ATP1B3: variants seen among roughly 807,000 people sequenced by gnomAD.
The protein encoded by ATP1B3 is ATPase Na+/K+ transporting subunit beta 3, also known as sodium/potassium-transporting ATPase subunit beta-3.
In ATP1B3, 10 loss-of-function variants were observed where a neutral mutation model predicts 30.2. That is an observed-to-expected ratio of 0.33 (90% CI 0.20 to 0.56). The LOEUF (loss-of-function observed/expected upper bound fraction) is 0.56. ATP1B3 is among the 20% of genes least tolerant of loss of function. The probability of loss-of-function intolerance (pLI) is 0.90; values close to 1 mark genes in which losing one functional copy is unlikely to be tolerated. For synonymous variants in ATP1B3, 113 were observed against 117.0 expected (o/e 0.97, Z 0.22); for missense variants, 238 against 336.7 (o/e 0.71, Z 2.29).
intron 3 of ATP1B3, among the ~76,000 whole-genome samples, chr3:141,912,399 C>T (rs1216414211): frequency 4.6e-5 from 7 of 152,138 alleles, no homozygotes; most frequent in Non-Finnish European, 1.0e-4. Context: ...GCTGGGATTA[C>T]AGGCACCTGC....
chr3:141,909,761 A>G (rs763177630), intron 3 of ATP1B3, among the ~76,000 whole-genome samples: 2 of 152,186 alleles, frequency 1.3e-5, no homozygotes, highest in East Asian at 1.9e-4. Flanking sequence ...TACAGTGACC[A>G]TGATGAGGGA....
intron 1 of ATP1B3, chr3:141,902,034 T>G: frequency 1.2e-6 from 1 of 857,572 alleles, no homozygotes; most frequent in Non-Finnish European, 1.7e-6. Context: ...ATTTCTCTTC[T>G]GTATCTTATT....
At chr3:141,876,959 C>A in intron 1 of ATP1B3, 49 bp downstream of exon 1, 1 of 1,436,626 alleles carries the variant, frequency 7.0e-7, no homozygotes, top group South Asian at 1.2e-5. Flanking sequence ...GTCCCGGGGG[C>A]GCCGGGCGCG....
intron 3 of ATP1B3, among the ~76,000 whole-genome samples, chr3:141,909,091 C>G (rs1934311891): frequency 6.6e-6 from 1 of 152,180 alleles, no homozygotes; most frequent in Non-Finnish European, 1.5e-5. Flanking sequence ...TCAACTCTCT[C>G]CTATCTTAAA....
chr3:141,882,608 A>C (rs1933749541), intron 1 of ATP1B3, among the ~76,000 whole-genome samples: 1 of 152,058 alleles, frequency 6.6e-6, no homozygotes, highest in Non-Finnish European at 1.5e-5. Flanking sequence ...TTTGAGATAG[A>C]GTTTCGCTCT....
intron 6 of ATP1B3, among the ~76,000 whole-genome samples, chr3:141,925,045 A>G (rs1934631737): frequency 6.6e-6 from 1 of 152,266 alleles, no homozygotes; most frequent in Non-Finnish European, 1.5e-5. Flanking sequence ...CAAGAGGATC[A>G]CTTGAGCTCA....
chr3:141,888,634 C>T (rs1933880018), intron 1 of ATP1B3, among the ~76,000 whole-genome samples: 1 of 152,046 alleles, frequency 6.6e-6, no homozygotes, highest in South Asian at 2.1e-4. Flanking sequence ...TGTGTCCCCA[C>T]CCAAATCTCA....
chr3:141,925,224 T>C (rs758613329), intron 6 of ATP1B3, among the ~76,000 whole-genome samples: 2 of 152,110 alleles, frequency 1.3e-5, no homozygotes, highest in Non-Finnish European at 2.9e-5. Context: ...CCCAGCACTT[T>C]GGGAGGGTGA....
intron 1 of ATP1B3, among the ~76,000 whole-genome samples, chr3:141,898,167 A>G (rs945643013): frequency 1.3e-5 from 2 of 152,234 alleles, no homozygotes; most frequent in Non-Finnish European, 2.9e-5. Context: ...AAGTAAACAT[A>G]GATGCAAGTC....
intron 3 of ATP1B3, among the ~76,000 whole-genome samples, chr3:141,912,824 C>T (rs1160701946): frequency 6.6e-5 from 10 of 152,182 alleles, no homozygotes; most frequent in Admixed American, 6.5e-4. Context: ...TTACCAAGTT[C>T]TAACCATTTT....
Position 141,925,716 on chromosome 3 carries a change from C to G in ATP1B3, c.*15C>G. The G allele has an allele frequency of 1.9e-6, 3 of 1,604,486 alleles. No individual in the cohort carries two copies. Among genetic ancestry groups the G allele is most frequent in the Non-Finnish European group, 1.7e-6 (2 of 1,176,322 alleles). On this transcript the variant is annotated 3_prime_UTR_variant, in exon 7 of 7. Transcript: ENST00000286371. ...CACGTGCATAGTATGAGTAGGATAT[C>G]TCCACAGAGTAAATGTTGTGTTGTC... is the stretch of plus-strand genomic sequence containing the variant.
Position 141,903,781 on chromosome 3 carries a change from GTTTT to G in ATP1B3, c.238+36_238+39del. On this transcript the variant is annotated intron_variant, in intron 2 of 6. Coordinates refer to ENST00000286371, the MANE Select transcript of ATP1B3 (RefSeq NM_001679.4). Reference sequence around the variant, plus strand: ...TCTTGCAGTTATGACTTTGTTTTTTGTTTTTTGTTTTTTTTTTGAGACAGAGTTT... The same window carrying G: ...TCTTGCAGTTATGACTTTGTTTTTTGTTGTTTTTTTTTTGAGACAGAGTTT... The G allele has an allele frequency of 4.4e-6, 7 of 1,594,142 alleles. No homozygotes were observed. In the Middle Eastern group the frequency reaches 1.2e-3, roughly 268 times the overall value.
chr3:141,919,528 C>A (rs762497070), intron 5 of ATP1B3, among the ~76,000 whole-genome samples: 1 of 152,012 alleles, frequency 6.6e-6, no homozygotes, highest in Non-Finnish European at 1.5e-5. Context: ...ATGAATCATA[C>A]TAAGAAAATC....
intron 5 of ATP1B3, chr3:141,918,437 A>C (rs1157712014): frequency 6.6e-6 from 1 of 151,530 alleles, no homozygotes; most frequent in Non-Finnish European, 1.5e-5. Context: ...AAACAATTCC[A>C]TATACCTCTC....
At chr3:141,892,645 C>A (rs1933976554) in intron 1 of ATP1B3, among the ~76,000 whole-genome samples, 1 of 87,614 alleles carries the variant, frequency 1.1e-5, no homozygotes, top group Admixed American at 1.6e-4. Flanking sequence ...GACAGTGAGA[C>A]TGTCTCAAAA....
chr3:141,880,189 GA>G (rs1250720883), intron 1 of ATP1B3, among the ~76,000 whole-genome samples: 1 of 152,168 alleles, frequency 6.6e-6, no homozygotes, highest in Admixed American at 6.5e-5. Context: ...TGGATAAAGT[GA>G]AAATGTTGCA....
intron 1 of ATP1B3, among the ~76,000 whole-genome samples, chr3:141,899,434 C>G (rs2107770790): frequency 6.6e-6 from 1 of 152,258 alleles, no homozygotes; most frequent in African/African-American, 2.4e-5. Flanking sequence ...ATCTAGGTCC[C>G]TGAAGATAGC....
chr3:141,899,775 A>G (rs1253111215), intron 1 of ATP1B3, among the ~76,000 whole-genome samples: 1 of 152,182 alleles, frequency 6.6e-6, no homozygotes, highest in Non-Finnish European at 1.5e-5. Context: ...AGGCTGAGGC[A>G]GGAGAATCAC....
intron 1 of ATP1B3, among the ~76,000 whole-genome samples, chr3:141,884,169 A>G (rs1933787952): frequency 6.6e-6 from 1 of 152,050 alleles, no homozygotes; most frequent in African/African-American, 2.4e-5. Context: ...TTTTAACATA[A>G]TAACCTCCCA....
Sources: gnomAD v4.1 joint callset for allele counts (sites outside exome capture counted in the v4.1 genomes callset) on GRCh38, gnomAD v4.1.1 for gene constraint, MANE v1.5 for transcripts, NCBI Gene and HGNC (gene_info 2026-07-23, HGNC 2026-07-21) for gene names.